SGCG: variants seen among roughly 807,000 people sequenced by gnomAD.
The protein encoded by SGCG is gamma-sarcoglycan.
SGCG carries 26 observed loss-of-function variants against 29.3 expected under a neutral mutation model. The ratio of observed to expected loss-of-function variants is 0.89; its 90% confidence interval spans 0.65 to 1.23. SGCG has a LOEUF of 1.23. Ranked by LOEUF, SGCG falls within the 50% of genes most tolerant of loss-of-function variation. The probability of loss-of-function intolerance (pLI) is 0.00; values close to 1 mark genes in which losing one functional copy is unlikely to be tolerated. For synonymous variants in SGCG, 145 were observed against 129.7 expected, an observed-to-expected ratio of 1.12 and a Z score of -0.80; for missense variants, 353 against 356.0, an observed-to-expected ratio of 0.99 and a Z score of 0.07.
intron 6 of SGCG, among the ~76,000 whole-genome samples, chr13:23,299,452 A>ATTTTTTTTTTTT (rs1433429984): frequency 2.3e-5 from 1 of 43,430 alleles, no homozygotes; most frequent in Non-Finnish European, 4.5e-5. Context: ...ATATATATAT[A>ATTTTTTTTTTTT]TATATTTTTT....
chr13:23,174,986 G>A, the SGCG span, among the ~76,000 whole-genome samples: 2 of 152,078 alleles, frequency 1.3e-5, no homozygotes, highest in South Asian at 2.1e-4. Flanking sequence ...TGGAGCAGCC[G>A]CAGCAACAGT....
In SGCG at chr13:23,295,471, C is replaced by A; in HGVS notation, c.562C>A (p.Pro188Thr). 1 of 1,613,492 alleles carries A rather than the reference C, an allele frequency of 6.2e-7. No individual in the cohort carries two copies. The highest frequency in any genetic ancestry group is 8.5e-7 in the Non-Finnish European group (1 of 1,179,458). The change falls in exon 6 of 8, where the codon CCG becomes ACG. Residue 188 changes from proline (P) to threonine (T), a missense_variant. By Grantham distance (38) the Pro-to-Thr change is conservative. Coordinates refer to ENST00000218867, the MANE Select transcript of SGCG (RefSeq NM_000231.3). ...SVETPLVRAD[P>T]FQDLRLESPT... ...GGAGACACCCCTTGTCAGAGCCGAC[C>A]CGTTTCAAGACCTTAGGTAAGAATT...
At position 23,224,585 on chromosome 13, in the gene SGCG, G is replaced by A. The variant is rs562745230; in HGVS notation, c.196-10026G>A. The stretch of plus-strand genomic sequence containing the variant: ...TTTATCTTTACTTCTAGCCCAGAGT[G>A]AGCCTACACTACATGGGCAAATGCA... On this transcript the variant is annotated intron_variant, in intron 2 of 7. Transcript: ENST00000218867. Among the ~76,000 whole-genome samples, 40 of 152,048 alleles carry A rather than the reference G, an allele frequency of 2.6e-4. 1 individual carries two copies. Among genetic ancestry groups the A allele is most frequent in the Middle Eastern group, 3.4e-3 (1 of 294 alleles).
chr13:23,163,466 C>T, the SGCG span, among the ~76,000 whole-genome samples: 1 of 152,106 alleles, frequency 6.6e-6, no homozygotes, highest in Admixed American at 6.5e-5. Flanking sequence ...AGGTTAATAC[C>T]TAATTCAGAC....
chr13:23,248,955 C>T (rs1879844939), intron 3 of SGCG, among the ~76,000 whole-genome samples: 1 of 144,156 alleles, frequency 6.9e-6, no homozygotes, highest in Non-Finnish European at 1.5e-5. Context: ...CGTGCCAGTG[C>T]ACTCCAGCCT....
At chr13:23,289,216 C>T (rs757652238) in intron 5 of SGCG, among the ~76,000 whole-genome samples, 16 of 152,310 alleles carry the variant, frequency 1.1e-4, no homozygotes, top group South Asian at 6.2e-4. Flanking sequence ...CAGCGATCAA[C>T]GCCGTGCTGC....
chr13:23,261,976 C>G (rs1384261949), intron 4 of SGCG, among the ~76,000 whole-genome samples: 3 of 152,020 alleles, frequency 2.0e-5, no homozygotes, highest in Admixed American at 6.6e-5. Flanking sequence ...TTTGTCAGCA[C>G]TAGACTAACC....
At chr13:23,259,093 G>T (rs1344122807) in intron 4 of SGCG, among the ~76,000 whole-genome samples, 2 of 152,140 alleles carry the variant, frequency 1.3e-5, no homozygotes. Flanking sequence ...TTTATCTATT[G>T]ATTGGAATAG....
At chr13:23,267,430 A>G (rs1880680698) in intron 4 of SGCG, 2 of 152,240 alleles carry the variant, frequency 1.3e-5, no homozygotes, top group African/African-American at 2.4e-5. Flanking sequence ...TGCCACCCAG[A>G]TAATCCAAGT....
intron 6 of SGCG, among the ~76,000 whole-genome samples, chr13:23,314,254 G>A (rs1021518318): frequency 2.7e-5 from 4 of 149,330 alleles, no homozygotes; most frequent in Admixed American, 6.7e-5. Flanking sequence ...ATTAGTCAGG[G>A]TTCCCTAGAG....
At chr13:23,251,863 C>G (rs187705034) in intron 4 of SGCG, among the ~76,000 whole-genome samples, 1 of 152,076 alleles carries the variant, frequency 6.6e-6, no homozygotes, top group Non-Finnish European at 1.5e-5. Context: ...AGGTGTACTG[C>G]CAACACAAAC....
chr13:23,304,972 C>G (rs1192399848), intron 6 of SGCG, among the ~76,000 whole-genome samples: 3 of 130,722 alleles, frequency 2.3e-5, no homozygotes, highest in African/African-American at 8.8e-5. Flanking sequence ...CACAGGCTTG[C>G]ACGTGCTCAC....
chr13:23,271,701 T>C (rs1880883397), intron 4 of SGCG, among the ~76,000 whole-genome samples: 1 of 152,234 alleles, frequency 6.6e-6, no homozygotes, highest in Admixed American at 6.5e-5. Context: ...ATTTGCTCAT[T>C]CTATAACATA....
At chr13:23,293,042 C>T (rs1469696196) in intron 5 of SGCG, among the ~76,000 whole-genome samples, 1 of 152,158 alleles carries the variant, frequency 6.6e-6, no homozygotes, top group African/African-American at 2.4e-5. Context: ...GTTGTCAACA[C>T]ATCAGCAAAC....
chr13:23,312,434 TA>T (rs1417833650), intron 6 of SGCG, among the ~76,000 whole-genome samples: 3 of 152,322 alleles, frequency 2.0e-5, no homozygotes, highest in Non-Finnish European at 4.4e-5. Context: ...TTTAAAAACA[TA>T]TTGTTAAATA....
chr13:23,265,344 C>T (rs781172229), intron 4 of SGCG, among the ~76,000 whole-genome samples: 7 of 152,112 alleles, frequency 4.6e-5, no homozygotes, highest in African/African-American at 9.7e-5. Flanking sequence ...TTTGGGAATC[C>T]GAAGCAGGAG....
At chr13:23,291,226 A>G (rs1252264838) in intron 5 of SGCG, among the ~76,000 whole-genome samples, 1 of 152,214 alleles carries the variant, frequency 6.6e-6, no homozygotes, top group Admixed American at 6.5e-5. Flanking sequence ...TATATAAATA[A>G]TGCATATTAT....
At position 23,270,409 on chromosome 13, in the gene SGCG, T is replaced by A. The variant is rs556827152; in HGVS notation, c.386-8950T>A. Among the ~76,000 whole-genome samples, 3 of 152,318 alleles carry A rather than the reference T, an allele frequency of 2.0e-5. No individual in the cohort carries two copies. The South Asian group carries it at 6.2e-4, about 32-fold the overall frequency. On this transcript the variant is annotated intron_variant, in intron 4 of 7. Transcript: ENST00000218867. ...AATGGCATGTCAGTGTTGCTTTAAT[T>A]TGCATTTCTGTAATGATGAGTGTGT... is the stretch of plus-strand genomic sequence containing the variant.
rs146447150 is a variant in SGCG, at chr13:23,320,765, G to A, written c.702+5G>A. On this transcript the variant is annotated splice_donor_5th_base_variant and intron_variant, in intron 7 of 7. Coordinates refer to ENST00000218867, the MANE Select transcript of SGCG (RefSeq NM_000231.3). ...TTTCATAGTAGTGATGGAATGGTGA[G>A]TTCATTCACAGATCAGCCTCCTACT... The A allele has an allele frequency of 3.7e-6, 6 of 1,612,940 alleles. No individual in the cohort carries two copies. Among genetic ancestry groups the A allele is most frequent in the Non-Finnish European group, 5.1e-6 (6 of 1,179,210 alleles).
Sources: gnomAD v4.1 joint callset for allele counts (sites outside exome capture counted in the v4.1 genomes callset) on GRCh38, gnomAD v4.1.1 for gene constraint, MANE v1.5 for transcripts, NCBI Gene and HGNC (gene_info 2026-07-23, HGNC 2026-07-21) for gene names.